The following PARP12 variants were observed in gnomAD, a reference collection of about 807,000 sequenced individuals.
PARP12 encodes the protein protein mono-ADP-ribosyltransferase PARP12.
In PARP12, 59 loss-of-function variants were observed where a neutral mutation model predicts 72.4. The observed-to-expected ratio is 0.81, with a 90% CI of 0.66 to 1.01. The LOEUF is 1.01. PARP12 is among the 50% of genes least tolerant of loss of function. PARP12 has a pLI of 0.00. For missense variants in PARP12, 851 were observed against 914.0 expected, an observed-to-expected ratio of 0.93 and a Z score of 0.89; for synonymous variants, 403 against 371.4, an observed-to-expected ratio of 1.09 and a Z score of -0.98.
chr7:140,024,540 C>T lies in PARP12; in HGVS notation c.*20G>A. 2 of 1,613,438 alleles carry T rather than the reference C, an allele frequency of 1.2e-6. No individual in the cohort carries two copies. The highest frequency in any genetic ancestry group is 1.7e-6 in the Non-Finnish European group (2 of 1,179,538). On this transcript the variant is annotated 3_prime_UTR_variant, in exon 12 of 12. Transcript: ENST00000263549. ...ATTTCAAGGCAGAGCAGGTGAAAGGCCTGGAACACTCCTGTGCGCTCACTG... is the reference window on the plus strand; with the variant it reads ...ATTTCAAGGCAGAGCAGGTGAAAGGTCTGGAACACTCCTGTGCGCTCACTG...
intron 6 of PARP12, among the ~76,000 whole-genome samples, chr7:140,038,603 G>C (rs1218476790): frequency 6.6e-6 from 1 of 152,148 alleles, no homozygotes; most frequent in Non-Finnish European, 1.5e-5. Context: ...ACTTAGTACA[G>C]TGCCCAGAAC....
chr7:140,033,258 T>C lies in PARP12; in HGVS notation c.1421+977A>G, dbSNP rs377123002. On this transcript the variant is annotated intron_variant, in intron 8 of 11. Transcript: ENST00000263549. ...ATTCCCAGGAAATTACTTTGCTAGG[T>C]CTGACTCACAAGGCAGTTTCGTGGA... is the stretch of plus-strand genomic sequence containing the variant. The C allele has an allele frequency of 2.3e-4, 229 of 985,438 alleles. 2 individuals carry two copies. The South Asian group carries it at 1.0e-2, about 43-fold the overall frequency. The allele number at this position is 985,438 out of a possible 1,614,324, so 61.0% of individuals were successfully genotyped here. A position where few individuals can be genotyped will look rare whatever the true frequency, so the allele number is the denominator to read the frequency against.
At chr7:140,048,688 T>C (rs1370113775) in intron 4 of PARP12, among the ~76,000 whole-genome samples, 1 of 152,232 alleles carries the variant, frequency 6.6e-6, no homozygotes, top group Non-Finnish European at 1.5e-5. Flanking sequence ...GACAAAGTTA[T>C]AAGCAAAGAC....
chr7:140,057,008 T>G lies in PARP12; in HGVS notation c.608A>C (p.Asn203Thr), dbSNP rs773171651. Reference sequence around the variant, plus strand: ...CTCCAATTTTTCCAGATTCTCAGAATTAGAGAAATCATGGGATCTCTTACA... The same window carrying G: ...CTCCAATTTTTCCAGATTCTCAGAAGTAGAGAAATCATGGGATCTCTTACA... ...TSCKRSHDFSNSENLEKLEKL... is the reference protein window; with the variant it reads ...TSCKRSHDFSTSENLEKLEKL... Residue 203 changes from asparagine to threonine, a missense_variant, in exon 3 of 12, where the codon AAT (asparagine) becomes ACT (threonine). Coordinates refer to ENST00000263549, the MANE Select transcript of PARP12 (RefSeq NM_022750.4). 6.2e-7 allele frequency: 1 copy of G among 1,614,228 alleles called. No homozygotes were observed. The highest frequency in any genetic ancestry group is 2.2e-5 in the East Asian group (1 of 44,882).
At chr7:140,054,800 A>G (rs932703057) in intron 3 of PARP12, 37 bp from the exon 4 acceptor site, 8 of 1,511,102 alleles carry the variant, frequency 5.3e-6, no homozygotes, top group Non-Finnish European at 7.4e-6. Context: ...TCAGCTTCTG[A>G]TATGGGGTAT....
intron 11 of PARP12, chr7:140,025,599 AAG>A (rs1431983801): frequency 2.2e-6 from 1 of 455,594 alleles, no homozygotes; most frequent in Non-Finnish European, 4.4e-6. Context: ...ATGGTGCAGA[AAG>A]AGAGAGGGAG....
At chr7:140,045,672 CA>C (rs1374122068) in intron 5 of PARP12, among the ~76,000 whole-genome samples, 2 of 151,934 alleles carry the variant, frequency 1.3e-5, no homozygotes, top group African/African-American at 4.8e-5. Context: ...ATATAACGTC[CA>C]AACTAGTAAA....
In PARP12 at chr7:140,027,483, T is replaced by G. The variant is rs556216675; in HGVS notation, c.1498-77A>C. 21 of 1,558,738 alleles carry G rather than the reference T, an allele frequency of 1.3e-5. No individual in the cohort carries two copies. In the South Asian group the frequency reaches 2.4e-4, roughly 18 times the overall value. ...ATCAGTCCCTTCCCAAAGCTTCTTG[T>G]AAACACTAGAACCGCAGAAGCACAA... On this transcript the variant is annotated intron_variant, in intron 9 of 11. Coordinates refer to ENST00000263549, the MANE Select transcript of PARP12 (RefSeq NM_022750.4).
rs1817528996 is a variant in PARP12 at position 140,062,805 on chromosome 7, A to G, written c.43T>C (p.Cys15Arg). The change falls in exon 1 of 12, where the codon TGC becomes CGC. Residue 15 changes from cysteine to arginine, a missense_variant. This residue lies in a region of PARP12 where 492 missense variants were observed against 489.3 expected (regional missense o/e 1.01). Transcript: ENST00000263549. Reference protein sequence around the residue: ...GVVGEVTQVLCAAGGALELPE... With the variant: ...GVVGEVTQVLRAAGGALELPE... The stretch of plus-strand genomic sequence containing the variant: ...AACTCCAGGGCGCCCCCGGCCGCGC[A>G]CAGCACCTGGGTGACCTCACCGACG... 2 of 1,415,770 alleles carry G rather than the reference A, an allele frequency of 1.4e-6. No homozygotes were observed. The highest frequency in any genetic ancestry group is 1.8e-6 in the Non-Finnish European group (2 of 1,082,632). 87.7% of individuals were successfully genotyped at this position (1,415,770 alleles called of 1,614,324 possible). A position where few individuals can be genotyped will look rare whatever the true frequency, so the allele number is the denominator to read the frequency against.
chr7:140,060,554 A>G (rs755567914), intron 1 of PARP12, among the ~76,000 whole-genome samples: 1 of 152,244 alleles, frequency 6.6e-6, no homozygotes, highest in Non-Finnish European at 1.5e-5. Context: ...CTGAGCCAGT[A>G]AATATCACAC....
At chr7:140,042,454 C>T (rs1026679302) in intron 5 of PARP12, among the ~76,000 whole-genome samples, 3 of 152,158 alleles carry the variant, frequency 2.0e-5, no homozygotes, top group East Asian at 1.9e-4. Context: ...AAGGAAGGTA[C>T]GAAACTGGAG....
intron 5 of PARP12, among the ~76,000 whole-genome samples, chr7:140,043,825 C>G (rs1026752851): frequency 3.3e-5 from 5 of 152,202 alleles, no homozygotes; most frequent in African/African-American, 1.2e-4. Flanking sequence ...AGCCACTGCT[C>G]CCGACCTTAG....
At chr7:140,058,993 G>T (rs527887484) in intron 1 of PARP12, among the ~76,000 whole-genome samples, 1 of 152,128 alleles carries the variant, frequency 6.6e-6, no homozygotes, top group African/African-American at 2.4e-5. Context: ...TACTCAGGAG[G>T]CTGAGGCAGG....
chr7:140,030,218 G>A (rs933726027), intron 8 of PARP12, among the ~76,000 whole-genome samples: 1 of 152,218 alleles, frequency 6.6e-6, no homozygotes, highest in African/African-American at 2.4e-5. Context: ...ATACAGTGGA[G>A]TGATCATCAC....
At chr7:140,045,801 G>A (rs918927336) in intron 5 of PARP12, among the ~76,000 whole-genome samples, 2 of 152,322 alleles carry the variant, frequency 1.3e-5, no homozygotes, top group South Asian at 2.1e-4. Flanking sequence ...CCAGATCCAC[G>A]TTATTGGCCA....
rs185639088 is a variant in PARP12, at chr7:140,028,024, G to A, written c.1497+589C>T. On this transcript the variant is annotated intron_variant, in intron 9 of 11. Coordinates refer to ENST00000263549, the MANE Select transcript of PARP12 (RefSeq NM_022750.4). ...AATAAGTCCTCCCAGGACAGGGACC[G>A]TCACGTTTTAAAGCTGAGTTAGACA... Among the ~76,000 whole-genome samples, 547 of 152,288 alleles carry A rather than the reference G, an allele frequency of 3.6e-3. 14 individuals carry two copies. Among genetic ancestry groups the A allele is most frequent in the Non-Finnish European group, 7.6e-4 (52 of 68,024 alleles).
At chr7:140,058,089 T>C in intron 1 of PARP12, 55 bp from the exon 2 acceptor site, 3 of 1,594,274 alleles carry the variant, frequency 1.9e-6, no homozygotes, top group Non-Finnish European at 1.7e-6. Context: ...TCAAAATTTC[T>C]ATGTTGGAGT....
chr7:140,026,122 T>C (rs1010177036), intron 11 of PARP12, 75 bp downstream of exon 11: 2 of 1,609,582 alleles, frequency 1.2e-6, no homozygotes, highest in South Asian at 1.1e-5. Context: ...GGTCCCCTCA[T>C]GCCCTCTAGC....
intron 6 of PARP12, among the ~76,000 whole-genome samples, chr7:140,040,802 C>T (rs558609895): frequency 1.3e-4 from 20 of 152,298 alleles, no homozygotes; most frequent in East Asian, 5.8e-4. Flanking sequence ...CTCGCTCTTT[C>T]GCCCAGGCTG....
Sources: gnomAD v4.1 joint callset for allele counts (sites outside exome capture counted in the v4.1 genomes callset) on GRCh38, gnomAD v4.1.1 for gene constraint, gnomAD v4.1.1 regional missense constraint, MANE v1.5 for transcripts, NCBI Gene and HGNC (gene_info 2026-07-23, HGNC 2026-07-21) for gene names.